The following C3orf22 variants were observed in gnomAD, a reference collection of about 807,000 sequenced individuals.
C3orf22 encodes the protein chromosome 3 open reading frame 22, also known as uncharacterized protein C3orf22.
In C3orf22, 7 loss-of-function variants were observed where a neutral mutation model predicts 10.8. The ratio of observed to expected loss-of-function variants is 0.65; its 90% confidence interval spans 0.37 to 1.22. The LOEUF is 1.22. C3orf22 is among the 50% of genes most tolerant of loss of function. The pLI, the probability that C3orf22 is intolerant of heterozygous loss-of-function variation, is 0.02. For synonymous variants in C3orf22, 79 were observed against 78.9 expected, an observed-to-expected ratio of 1.00 and a Z score of 0.00; for missense variants, 173 against 177.0, an observed-to-expected ratio of 0.98 and a Z score of 0.13.
intron 4 of C3orf22, chr3:126,536,435 C>A: frequency 9.3e-7 from 1 of 1,078,426 alleles, no homozygotes; most frequent in East Asian, 2.4e-5. Flanking sequence ...GACCTGCTGG[C>A]ATGAGACTGG....
exon 5 of C3orf22, chr3:126,529,309 T>G: frequency 7.8e-7 from 1 of 1,288,036 alleles, no homozygotes; most frequent in South Asian, 1.2e-5. Flanking sequence ...CTTGAGCAGC[T>G]CTCTCTGCTC....
rs1432049871 is a variant in C3orf22, at chr3:126,531,143, T to C, written c.287-1771A>G. Among the ~76,000 whole-genome samples the C allele has an allele frequency of 2.0e-5, 3 of 152,272 alleles. No individual in the cohort carries two copies. The East Asian group carries it at 5.8e-4, about 29-fold the overall frequency. ...TGGCGCAGCTGGTGTCAAAGCACGC[T>C]CCCAGACCAGCAGCCGCAGCCTCAC... On this transcript the variant is annotated intron_variant and NMD_transcript_variant, in intron 4 of 5. Transcript: ENST00000505070.
downstream of C3orf22, among the ~76,000 whole-genome samples, chr3:126,545,159 G>T (rs953029611): frequency 6.6e-6 from 1 of 152,244 alleles, no homozygotes; most frequent in Non-Finnish European, 1.5e-5. Flanking sequence ...TCTCCATCTG[G>T]CACCTCCTTC....
chr3:126,538,919 T>G (rs1936860982), intron 4 of C3orf22, among the ~76,000 whole-genome samples: 1 of 152,092 alleles, frequency 6.6e-6, no homozygotes, highest in Non-Finnish European at 1.5e-5. Flanking sequence ...TACAGAAGGG[T>G]AGACACAGTG....
chr3:126,542,218 C>T (rs778975646), intron 4 of C3orf22: 5 of 1,480,866 alleles, frequency 3.4e-6, no homozygotes, highest in Admixed American at 4.9e-5. Context: ...GCGGCCACGA[C>T]GTGCGCTTCG....
At chr3:126,533,796 G>A (rs537181873) in intron 4 of C3orf22, among the ~76,000 whole-genome samples, 2 of 152,130 alleles carry the variant, frequency 1.3e-5, no homozygotes, top group Admixed American at 6.6e-5. Flanking sequence ...TGAAAGATTG[G>A]TGTTAATTCT....
Position 126,530,341 on chromosome 3 carries a change from C to G in C3orf22, c.287-969G>C, listed in dbSNP as rs540044934. ...TACCCACTTTCCAGCAGGCTGTGGT[C>G]TGGCCAGGAAATGAGAGGCCTTATG... On this transcript the variant is annotated intron_variant and NMD_transcript_variant, in intron 4 of 5. Transcript: ENST00000505070. Among the ~76,000 whole-genome samples, 5 of 152,392 alleles carry G rather than the reference C, an allele frequency of 3.3e-5. No individual in the cohort carries two copies. The East Asian group carries it at 9.6e-4, about 29-fold the overall frequency.
chr3:126,528,954 C>G lies in C3orf22; in HGVS notation c.*218+178G>C, dbSNP rs571846323. Among the ~76,000 whole-genome samples, 6 of 152,352 alleles carry G rather than the reference C, an allele frequency of 3.9e-5. No individual in the cohort carries two copies. In the East Asian group the frequency reaches 1.2e-3, roughly 29 times the overall value. ...GCAGGACAGAGGCCCTCGGAGGCCA[C>G]GTGGGAACCTATGCCTGCTGGCAGG... On this transcript the variant is annotated intron_variant and NMD_transcript_variant, in intron 5 of 5. Coordinates refer to the C3orf22 transcript ENST00000505070.
chr3:126,553,771 C>T (rs1050441284), intron 1 of C3orf22, among the ~76,000 whole-genome samples: 2 of 152,170 alleles, frequency 1.3e-5, no homozygotes, highest in Admixed American at 6.5e-5. Context: ...GAACTGCACA[C>T]GAGGTGTGTT....
At chr3:126,536,558 A>C (rs552065314) in intron 4 of C3orf22, among the ~76,000 whole-genome samples, 26 of 152,162 alleles carry the variant, frequency 1.7e-4, no homozygotes, top group African/African-American at 6.3e-4. Flanking sequence ...CTACCCACCT[A>C]TCTTCCCATC....
intron 4 of C3orf22, among the ~76,000 whole-genome samples, chr3:126,534,238 A>C (rs1164639609): frequency 6.6e-6 from 1 of 152,248 alleles, no homozygotes; most frequent in African/African-American, 2.4e-5. Flanking sequence ...GCATATGATC[A>C]TATATAGGCT....
At chr3:126,557,344 T>C (rs1444489729) in intron 1 of C3orf22, among the ~76,000 whole-genome samples, 1 of 152,198 alleles carries the variant, frequency 6.6e-6, no homozygotes, top group Non-Finnish European at 1.5e-5. Context: ...CTACCACACC[T>C]GGCATGATTC....
chr3:126,533,349 T>TCCC (rs1936697392), intron 4 of C3orf22, among the ~76,000 whole-genome samples: 1 of 152,200 alleles, frequency 6.6e-6, no homozygotes, highest in Non-Finnish European at 1.5e-5. Context: ...TATTAAGTTA[T>TCCC]CTGAGGGTTT....
At chr3:126,557,535 C>T (rs1161627297) in intron 1 of C3orf22, among the ~76,000 whole-genome samples, 2 of 152,238 alleles carry the variant, frequency 1.3e-5, no homozygotes, top group Non-Finnish European at 2.9e-5. Context: ...AGCTGGGAGG[C>T]TGCCTGCCGC....
At chr3:126,527,723 G>A (rs1936566586) in exon 6 of C3orf22, 1 of 152,270 alleles carries the variant, frequency 6.6e-6, no homozygotes, top group African/African-American at 2.4e-5. Flanking sequence ...AGGGGAAGTG[G>A]CTGCTGGAGC....
intron 4 of C3orf22, chr3:126,542,630 C>A (rs1936993120): frequency 1.4e-6 from 2 of 1,419,912 alleles, no homozygotes; most frequent in Non-Finnish European, 1.8e-6. Flanking sequence ...CCGACAAGAC[C>A]CCCGGGGAAT....
intron 4 of C3orf22, chr3:126,542,782 C>T: frequency 1.5e-6 from 1 of 652,064 alleles, no homozygotes. Context: ...GTGCCTGCCT[C>T]GGCCTGTCGC....
At chr3:126,536,464 G>C in intron 4 of C3orf22, 3 of 774,952 alleles carry the variant, frequency 3.9e-6, no homozygotes, top group Non-Finnish European at 6.3e-6. Flanking sequence ...CTGGGGCACA[G>C]AAGGGCATCC....
exon 6 of C3orf22, chr3:126,527,165 T>C (rs1366472201): frequency 6.6e-6 from 1 of 152,412 alleles, no homozygotes; most frequent in Non-Finnish European, 1.5e-5. Flanking sequence ...GGTGTTCCTC[T>C]TGGAGCCAGG....
Sources: gnomAD v4.1 joint callset for allele counts (sites outside exome capture counted in the v4.1 genomes callset) on GRCh38, gnomAD v4.1.1 for gene constraint, MANE v1.5 for transcripts, NCBI Gene and HGNC (gene_info 2026-07-23, HGNC 2026-07-21) for gene names.